The following SYCE1L variants were observed in gnomAD, a reference collection of about 807,000 sequenced individuals.
SYCE1L encodes the protein synaptonemal complex central element protein 1-like.
In SYCE1L, 51 loss-of-function variants were observed where a neutral mutation model predicts 39.6. The ratio of observed to expected loss-of-function variants is 1.29; its 90% confidence interval spans 1.03 to 1.63. The LOEUF is 1.63. Ranked by LOEUF, SYCE1L falls within the 40% of genes most tolerant of loss-of-function variation. The pLI is 0.00. For missense variants in SYCE1L, 426 were observed against 304.9 expected, an observed-to-expected ratio of 1.40 and a Z score of -2.96; for synonymous variants, 147 against 122.4, an observed-to-expected ratio of 1.20 and a Z score of -1.33.
chr16:77,206,218 C>A (rs529595647), intron 1 of SYCE1L, among the ~76,000 whole-genome samples: 1 of 152,232 alleles, frequency 6.6e-6, no homozygotes, highest in African/African-American at 2.4e-5. Context: ...TTTTTTAACC[C>A]CTCAGGGAGA....
chr16:77,206,157 C>T (rs1403479475), intron 1 of SYCE1L, among the ~76,000 whole-genome samples: 2 of 152,144 alleles, frequency 1.3e-5, no homozygotes, highest in Non-Finnish European at 2.9e-5. Context: ...AGCAAACATG[C>T]ATTCTCTTCT....
In SYCE1L at chr16:77,201,333, G is replaced by A. The variant is rs2054740393; in HGVS notation, c.61+1821G>A. On this transcript the variant is annotated intron_variant, in intron 1 of 10. Coordinates refer to ENST00000378644, the MANE Select transcript of SYCE1L (RefSeq NM_001129979.3). Reference sequence around the variant, plus strand: ...CACTGCAATTAAAAAAAAAATTTTAGTATCAACCTTTCAAATTCCTCAAAA... The same window carrying A: ...CACTGCAATTAAAAAAAAAATTTTAATATCAACCTTTCAAATTCCTCAAAA... 4 of 152,086 alleles carry A rather than the reference G, an allele frequency of 2.6e-5. No individual in the cohort carries two copies. In the South Asian group the frequency reaches 8.3e-4, roughly 31 times the overall value. The allele number at this position is 152,086 out of a possible 1,614,324, so 9.4% of individuals were successfully genotyped here. A position where few individuals can be genotyped will look rare whatever the true frequency, so the allele number is the denominator to read the frequency against.
At chr16:77,206,697 C>A (rs1250793844) in intron 2 of SYCE1L, among the ~76,000 whole-genome samples, 197 bp downstream of exon 2, 1 of 152,100 alleles carries the variant, frequency 6.6e-6, no homozygotes, top group Non-Finnish European at 1.5e-5. Context: ...ATGGAAAAAC[C>A]AGTTCCCCCG....
In SYCE1L at chr16:77,206,496, G is replaced by A. The variant is rs1190566304; in HGVS notation, c.117G>A (p.Gln39=). ...TGCTGGCAATGGTGATAAAGCTGCA[G>A]AAAGGTCATGTGTCTCTTTGTTTCT... is the stretch of plus-strand genomic sequence containing the variant. The part of the protein sequence containing the change: ...EDLLAMVIKL[Q]KEGSLEPQIE... The change falls in exon 2 of 11, where the codon CAG becomes CAA. Residue 39 remains glutamine, a synonymous_variant. Transcript: ENST00000378644. The A allele has an allele frequency of 6.4e-7, 1 of 1,551,636 alleles. No individual in the cohort carries two copies. The highest frequency in any genetic ancestry group is 1.4e-5 in the African/African-American group (1 of 73,018).
At chr16:77,209,385 C>G in intron 5 of SYCE1L, 32 bp from the exon 6 acceptor site, 1 of 1,551,542 alleles carries the variant, frequency 6.4e-7, no homozygotes, top group Non-Finnish European at 8.7e-7. Context: ...CCCAAGAGCT[C>G]TCAAAGGGTC....
intron 1 of SYCE1L, among the ~76,000 whole-genome samples, chr16:77,203,477 C>G (rs1477119614): frequency 6.7e-6 from 1 of 150,292 alleles, no homozygotes; most frequent in Non-Finnish European, 1.5e-5. Flanking sequence ...AAAAAAAAAT[C>G]TAATAAGCTC....
rs952025377 is a variant in SYCE1L at position 77,213,042 on chromosome 16, G to C, written c.*111G>C. The C allele has an allele frequency of 8.9e-7, 1 of 1,126,820 alleles. No homozygotes were observed. Among genetic ancestry groups the C allele is most frequent in the Non-Finnish European group, 1.2e-6 (1 of 867,068 alleles). The allele number at this position is 1,126,820 out of a possible 1,614,324, so 69.8% of individuals were successfully genotyped here. On this transcript the variant is annotated 3_prime_UTR_variant, in exon 11 of 11. Transcript: ENST00000378644. ...CGCGGAGTCTGTGCTACACCGTGGA[G>C]CGGGGCGGGGCGTGCTGGGATCTCG... is the stretch of plus-strand genomic sequence containing the variant.
chr16:77,212,721 G>T (rs2054834298), intron 10 of SYCE1L, 75 bp downstream of exon 10: 2 of 1,447,284 alleles, frequency 1.4e-6, no homozygotes, highest in Non-Finnish European at 1.8e-6. Context: ...TCCTGGGAGC[G>T]GCCCCCGAGA....
chr16:77,209,548 A>G, intron 6 of SYCE1L, 77 bp downstream of exon 6: 2 of 1,480,740 alleles, frequency 1.4e-6, no homozygotes, highest in Admixed American at 2.0e-5. Context: ...GTGGAAATGA[A>G]TCTTGGACAC....
chr16:77,205,066 GAAAA>G (rs2054776565), intron 1 of SYCE1L, among the ~76,000 whole-genome samples: 1 of 126,284 alleles, frequency 7.9e-6, no homozygotes. Flanking sequence ...AAAAAGAAAA[GAAAA>G]AGATAATGTG....
At chr16:77,211,376 G>A (rs2054821507) in intron 7 of SYCE1L, 100 bp downstream of exon 7, 9 of 1,368,646 alleles carry the variant, frequency 6.6e-6, no homozygotes, top group South Asian at 1.2e-5. Context: ...TCAATGCCGC[G>A]GGATAGTCCT....
At position 77,212,517 on chromosome 16, in the gene SYCE1L, C is replaced by T. The variant is rs1366573149; in HGVS notation, c.582-57C>T. On this transcript the variant is annotated intron_variant, in intron 9 of 10. Coordinates refer to ENST00000378644, the MANE Select transcript of SYCE1L (RefSeq NM_001129979.3). ...GGTCTCCGCGTCTCGGTGGCTTCCT[C>T]CTCGTCCCCTGGACTCTCGCTCTCT... 8 of 1,538,010 alleles carry T rather than the reference C, an allele frequency of 5.2e-6. No individual in the cohort carries two copies. In the Admixed American group the frequency reaches 9.8e-5, roughly 19 times the overall value.
rs2054828728 is a variant in SYCE1L, at chr16:77,212,264, A to G, written c.494-18A>G. On this transcript the variant is annotated intron_variant, in intron 8 of 10. Transcript: ENST00000378644. The stretch of plus-strand genomic sequence containing the variant: ...TGCCCGGGCCTCGGCCCTGCCCCTG[A>G]CGCCCGCCCACCGACAGGGAGGCTG... The G allele has an allele frequency of 1.3e-6, 2 of 1,517,852 alleles. No homozygotes were observed. The highest frequency in any genetic ancestry group is 1.8e-6 in the Non-Finnish European group (2 of 1,133,534). The allele number at this position is 1,517,852 out of a possible 1,614,324, so 94.0% of individuals were successfully genotyped here.
At chr16:77,199,695 C>T in intron 1 of SYCE1L, 183 bp downstream of exon 1, 1 of 548,038 alleles carries the variant, frequency 1.8e-6, no homozygotes, top group Non-Finnish European at 3.2e-6. Flanking sequence ...AATTAACAGG[C>T]ATATTCTTAT....
At chr16:77,199,873 CACACCTAACACATATG>C (rs2142506823) in intron 1 of SYCE1L, 1 of 188,184 alleles carries the variant, frequency 5.3e-6, no homozygotes, top group Non-Finnish European at 1.1e-5. Flanking sequence ...GTCGCCATTT[CACACCTAACACATATG>C]ACACTTTGAT....
chr16:77,207,298 G>A (rs1230695454), intron 2 of SYCE1L, among the ~76,000 whole-genome samples: 2 of 152,180 alleles, frequency 1.3e-5, no homozygotes, highest in African/African-American at 4.8e-5. Flanking sequence ...GTGTCTGAGG[G>A]GTCAGCAGTG....
chr16:77,204,344 G>T (rs2054769860), intron 1 of SYCE1L, among the ~76,000 whole-genome samples: 1 of 152,198 alleles, frequency 6.6e-6, no homozygotes, highest in African/African-American at 2.4e-5. Flanking sequence ...TGACTTATTT[G>T]GAAGTAGGGT....
At position 77,209,465 on chromosome 16, in the gene SYCE1L, C is replaced by T; in HGVS notation, c.353C>T (p.Ala118Val). 6.4e-7 allele frequency: 1 copy of T among 1,551,754 alleles called. No individual in the cohort carries two copies. The highest frequency in any genetic ancestry group is 8.7e-7 in the Non-Finnish European group (1 of 1,147,012). ...CACTGCCAAGAGAAGGAAAGCGAGGCTCAGAGGTAAGAGGCCCTGCCTCAG... is the reference window on the plus strand; with the variant it reads ...CACTGCCAAGAGAAGGAAAGCGAGGTTCAGAGGTAAGAGGCCCTGCCTCAG... ...QMHCQEKESE[A>V]QRLDVRGQLE... Residue 118 changes from alanine (A) to valine (V), a missense_variant, in exon 6 of 11, where the codon GCT becomes GTT. Coordinates refer to ENST00000378644, the MANE Select transcript of SYCE1L (RefSeq NM_001129979.3).
chr16:77,207,191 A>T (rs1458978442), intron 2 of SYCE1L, among the ~76,000 whole-genome samples: 2 of 152,200 alleles, frequency 1.3e-5, no homozygotes, highest in Non-Finnish European at 2.9e-5. Context: ...TGTCAGTCAT[A>T]ATCAGCACCG....
Sources: allele counts gnomAD v4.1 joint callset (sites outside exome capture counted in the v4.1 genomes callset), GRCh38; gene constraint gnomAD v4.1.1; transcripts MANE v1.5; gene names NCBI Gene and HGNC (gene_info 2026-07-23, HGNC 2026-07-21).